Variants in RANBP17 observed in about 807,000 individuals in gnomAD.
RANBP17 encodes ran-binding protein 17.
In RANBP17, 158 loss-of-function variants were observed where a neutral mutation model predicts 141.2. The ratio of observed to expected loss-of-function variants is 1.12; its 90% CI spans 0.98 to 1.28. The LOEUF (loss-of-function observed/expected upper bound fraction) is 1.28, where lower values mean the gene tolerates loss of function less well. RANBP17 is among the 50% of genes most tolerant of loss of function. The pLI is 0.00. For missense variants in RANBP17, 1,438 were observed against 1,290.7 expected, an observed-to-expected ratio of 1.11 and a Z score of -1.75; for synonymous variants, 430 against 450.0, an observed-to-expected ratio of 0.96 and a Z score of 0.56.
At chr5:170,949,743 C>CTT (rs1775054686) in intron 12 of RANBP17, among the ~76,000 whole-genome samples, 1 of 152,094 alleles carries the variant, frequency 6.6e-6, no homozygotes. Flanking sequence ...GAAATGAAAA[C>CTT]ATACATCCAC....
chr5:171,154,591 A>G (rs1385728829), intron 14 of RANBP17, among the ~76,000 whole-genome samples: 1 of 152,190 alleles, frequency 6.6e-6, no homozygotes, highest in African/African-American at 2.4e-5. Context: ...AGATTATTTT[A>G]TGTATATTGA....
At chr5:171,176,002 G>T (rs1253347778) in intron 16 of RANBP17, among the ~76,000 whole-genome samples, 2 of 152,042 alleles carry the variant, frequency 1.3e-5, no homozygotes, top group Non-Finnish European at 2.9e-5. Context: ...GCTCTTCTAG[G>T]CACAGGGTCC....
chr5:171,187,647 ATTAC>A (rs1360896471), intron 18 of RANBP17, among the ~76,000 whole-genome samples: 2 of 152,070 alleles, frequency 1.3e-5, no homozygotes, highest in African/African-American at 2.4e-5. Flanking sequence ...TTTTTAGTGT[ATTAC>A]TTTTATAATG....
At chr5:171,100,035 T>C (rs1322841373) in intron 14 of RANBP17, among the ~76,000 whole-genome samples, 1 of 152,220 alleles carries the variant, frequency 6.6e-6, no homozygotes, top group Admixed American at 6.5e-5. Flanking sequence ...TTCGCATCGA[T>C]GTTCATCAGG....
chr5:171,033,595 G>A (rs946331408), intron 14 of RANBP17, among the ~76,000 whole-genome samples: 1 of 151,832 alleles, frequency 6.6e-6, no homozygotes, highest in African/African-American at 2.4e-5. Flanking sequence ...GCTAATTTCT[G>A]GGTTTTGTTT....
chr5:170,909,703 A>G lies in RANBP17; in HGVS notation c.532A>G (p.Thr178Ala). The G allele has an allele frequency of 6.3e-7, 1 of 1,597,728 alleles. No homozygotes were observed. The highest frequency in any genetic ancestry group is 8.6e-7 in the Non-Finnish European group (1 of 1,168,520). ...RPSAKHRKIA[T>A]SFRDTSLKDV... The stretch of plus-strand genomic sequence containing the variant: ...TTCAGCAAAACACAGGAAAATAGCT[A>G]CCTCATTTCGTGATACTTCTCTCAA... The change falls in exon 6 of 28, where the codon ACC (threonine) becomes GCC (alanine). Residue 178 changes from threonine (T) to alanine (A), a missense_variant. Physicochemically the swap from Thr to Ala is moderately conservative, Grantham distance 58 (BLOSUM62 0). Coordinates refer to ENST00000523189, the MANE Select transcript of RANBP17 (RefSeq NM_022897.5).
At chr5:170,987,041 A>G (rs564036474) in intron 14 of RANBP17, among the ~76,000 whole-genome samples, 2 of 151,970 alleles carry the variant, frequency 1.3e-5, no homozygotes, top group East Asian at 1.9e-4. Flanking sequence ...TTTGGGGGAA[A>G]AGTGTTTAGA....
At chr5:171,070,787 A>G (rs1784588475) in intron 14 of RANBP17, among the ~76,000 whole-genome samples, 1 of 152,080 alleles carries the variant, frequency 6.6e-6, no homozygotes, top group Admixed American at 6.5e-5. Context: ...TCTCTGCTAT[A>G]TGGAGACTTC....
chr5:171,277,938 C>CCTTTTTTT (rs1554127986), intron 25 of RANBP17, among the ~76,000 whole-genome samples: 7 of 72,266 alleles, frequency 9.7e-5, no homozygotes, highest in Non-Finnish European at 1.4e-4. Flanking sequence ...GGACTTCTTT[C>CCTTTTTTT]TTTTTTTTTT....
At chr5:171,152,758 A>AT (rs1453067315) in intron 14 of RANBP17, among the ~76,000 whole-genome samples, 30 of 152,168 alleles carry the variant, frequency 2.0e-4, no homozygotes, top group Non-Finnish European at 1.0e-4. Context: ...AATAATGGCA[A>AT]TGCTCGCACT....
chr5:171,244,621 A>G (rs1354218046), intron 24 of RANBP17, among the ~76,000 whole-genome samples: 1 of 151,830 alleles, frequency 6.6e-6, no homozygotes, highest in Non-Finnish European at 1.5e-5. Flanking sequence ...TAATTTTTAT[A>G]TTTTTAGTAG....
At chr5:170,988,314 G>C (rs961871282) in intron 14 of RANBP17, among the ~76,000 whole-genome samples, 4 of 150,772 alleles carry the variant, frequency 2.7e-5, no homozygotes, top group Non-Finnish European at 5.9e-5. Context: ...AAGGGAGAGG[G>C]TGATAATTTC....
At chr5:171,215,492 A>G (rs1171555346) in intron 21 of RANBP17, among the ~76,000 whole-genome samples, 2 of 152,150 alleles carry the variant, frequency 1.3e-5, no homozygotes, top group African/African-American at 2.4e-5. Flanking sequence ...GTCTTCCACA[A>G]TGGTTGAACT....
chr5:171,123,584 G>T (rs1210882788), intron 14 of RANBP17, among the ~76,000 whole-genome samples: 1 of 152,236 alleles, frequency 6.6e-6, no homozygotes, highest in Non-Finnish European at 1.5e-5. Context: ...GGACTGGCCT[G>T]TCAGTACCTG....
chr5:171,232,204 A>T (rs1263871291), intron 22 of RANBP17, among the ~76,000 whole-genome samples: 1 of 152,226 alleles, frequency 6.6e-6, no homozygotes, highest in East Asian at 1.9e-4. Flanking sequence ...TAATATGCTT[A>T]TAAAATAACC....
At chr5:170,930,889 A>G (rs1291787728) in intron 12 of RANBP17, among the ~76,000 whole-genome samples, 1 of 152,202 alleles carries the variant, frequency 6.6e-6, no homozygotes, top group Admixed American at 6.5e-5. Context: ...ATGTGTCCTT[A>G]TAGCGGTGTG....
chr5:170,925,988 T>C (rs1457815147), intron 12 of RANBP17, among the ~76,000 whole-genome samples: 1 of 152,222 alleles, frequency 6.6e-6, no homozygotes, highest in Non-Finnish European at 1.5e-5. Context: ...ATAAAATCAG[T>C]GCTCCTTAAC....
chr5:170,865,952 A>C (rs577545574), intron 1 of RANBP17, among the ~76,000 whole-genome samples: 4 of 152,216 alleles, frequency 2.6e-5, no homozygotes, highest in African/African-American at 9.6e-5. Context: ...CTGCATCAAT[A>C]TATGGCAATA....
rs527306626 is a variant in RANBP17 at position 170,934,075 on chromosome 5, G to A, written c.1468+9525G>A. Among the ~76,000 whole-genome samples the A allele has an allele frequency of 8.5e-5, 13 of 152,138 alleles. No individual in the cohort carries two copies. The East Asian group carries it at 9.7e-4, about 11-fold the overall frequency. On this transcript the variant is annotated intron_variant, in intron 12 of 27. Transcript: ENST00000523189. ...AGTCTCTTTTTAGGTCTCTCAGGAC[G>A]TGCTTTATGAATCTGGGTGCTCCTG...
Sources: allele counts gnomAD v4.1 joint callset (sites outside exome capture counted in the v4.1 genomes callset), GRCh38; gene constraint gnomAD v4.1.1; transcripts MANE v1.5; gene names NCBI Gene and HGNC (gene_info 2026-07-23, HGNC 2026-07-21).